Variants in EXOC4 observed in about 807,000 individuals in gnomAD.
The protein encoded by EXOC4 is SEC8-like 1.
EXOC4 carries 71 observed loss-of-function variants against 107.2 expected under a neutral mutation model. The observed-to-expected ratio is 0.66, with a 90% CI of 0.55 to 0.81. The LOEUF (loss-of-function observed/expected upper bound fraction) is 0.81, where lower values mean the gene tolerates loss of function less well. Ranked by LOEUF, EXOC4 falls within the 30% of genes least tolerant of loss-of-function variation. The pLI, the probability that EXOC4 is intolerant of heterozygous loss-of-function variation, is 0.00. For missense variants in EXOC4, 1,108 were observed against 1,189.6 expected (o/e 0.93, Z 1.01); for synonymous variants, 456 against 441.2 (o/e 1.03, Z -0.42).
chr7:133,452,940 C>T (rs1445917092), intron 7 of EXOC4, among the ~76,000 whole-genome samples: 1 of 152,124 alleles, frequency 6.6e-6, no homozygotes, highest in East Asian at 1.9e-4. Context: ...ACCAGTTGTT[C>T]ATTAATCTCC....
chr7:133,326,704 G>A (rs561592116), intron 5 of EXOC4, among the ~76,000 whole-genome samples: 12 of 152,296 alleles, frequency 7.9e-5, no homozygotes, highest in Admixed American at 2.0e-4. Flanking sequence ...CTCAAATTCC[G>A]TGCTGGGAGA....
At chr7:133,322,894 G>A (rs925382268) in intron 5 of EXOC4, among the ~76,000 whole-genome samples, 3 of 152,146 alleles carry the variant, frequency 2.0e-5, no homozygotes, top group Admixed American at 2.0e-4. Flanking sequence ...ATTTCCTTGA[G>A]CAGTGGTTTG....
chr7:133,504,401 A>G (rs1006030817), intron 9 of EXOC4, among the ~76,000 whole-genome samples: 1 of 152,130 alleles, frequency 6.6e-6, no homozygotes, highest in Non-Finnish European at 1.5e-5. Context: ...AAGATTTTTA[A>G]AAGTACAGTT....
intron 1 of EXOC4, among the ~76,000 whole-genome samples, chr7:133,271,536 T>C (rs1391504516): frequency 6.6e-6 from 1 of 152,196 alleles, no homozygotes; most frequent in Non-Finnish European, 1.5e-5. Context: ...GCAAACAGCG[T>C]TGGAAGATAG....
chr7:133,623,911 GA>G (rs1802391681), intron 9 of EXOC4, among the ~76,000 whole-genome samples: 1 of 152,110 alleles, frequency 6.6e-6, no homozygotes, highest in African/African-American at 2.4e-5. Context: ...ACTTACTAAG[GA>G]ATGTAATCTA....
intron 7 of EXOC4, among the ~76,000 whole-genome samples, chr7:133,376,505 T>C (rs956919877): frequency 1.3e-5 from 2 of 152,204 alleles, no homozygotes; most frequent in Non-Finnish European, 1.5e-5. Context: ...GCAACTTAGG[T>C]AGTCAGCACA....
At chr7:133,517,307 G>T (rs1247253305) in intron 9 of EXOC4, among the ~76,000 whole-genome samples, 1 of 152,080 alleles carries the variant, frequency 6.6e-6, no homozygotes, top group Non-Finnish European at 1.5e-5. Flanking sequence ...GGAAAAGGTA[G>T]TACCTGCTAC....
In EXOC4 at chr7:133,630,064, A is replaced by T; in HGVS notation, c.1437A>T (p.Leu479Phe). ...TGAAAGGGGGTCCTGATGACAACTT[A>T]ATTGAAGGTGGAGGAACAAAATTTG... ...GELQGGPDDN[L>F]IEGGGTKFVC... The change falls in exon 10 of 18, where the codon TTA becomes TTT. Residue 479 changes from leucine (L) to phenylalanine (F), a missense_variant. Coordinates refer to ENST00000253861, the MANE Select transcript of EXOC4 (RefSeq NM_021807.4). The T allele has an allele frequency of 6.2e-7, 1 of 1,613,662 alleles. No individual in the cohort carries two copies. Among genetic ancestry groups the T allele is most frequent in the Non-Finnish European group, 8.5e-7 (1 of 1,179,680 alleles).
chr7:133,639,458 G>C (rs760637389), intron 10 of EXOC4, among the ~76,000 whole-genome samples: 5 of 152,054 alleles, frequency 3.3e-5, no homozygotes, highest in Non-Finnish European at 7.4e-5. Flanking sequence ...TCATGGTCAT[G>C]AAATCTTTTT....
Position 133,504,366 on chromosome 7 carries a change from T to G in EXOC4, c.1417+24228T>G, listed in dbSNP as rs147175877. On this transcript the variant is annotated intron_variant, in intron 9 of 17. Transcript: ENST00000253861. ...AAAGCAAAGCTATTCTAGGTTGGTT[T>G]GTTTGTTTTTTCTCCTTTAATGTGA... 3.9e-4 allele frequency among the ~76,000 whole-genome samples: 60 copies of G among 152,208 alleles called. 1 individual carries two copies. The East Asian group carries it at 7.6e-3, about 19-fold the overall frequency.
chr7:133,329,123 A>G (rs921721807), intron 5 of EXOC4, among the ~76,000 whole-genome samples: 1 of 151,042 alleles, frequency 6.6e-6, no homozygotes, highest in Non-Finnish European at 1.5e-5. Flanking sequence ...ATTTCTTTTC[A>G]CTCTTTTCCC....
intron 14 of EXOC4, among the ~76,000 whole-genome samples, chr7:133,992,225 T>C (rs767642830): frequency 2.1e-4 from 32 of 152,296 alleles, no homozygotes; most frequent in Non-Finnish European, 4.0e-4. Flanking sequence ...TTTTTTTTCT[T>C]GATTTCTTTG....
chr7:134,012,701 A>G (rs913743197), intron 17 of EXOC4, among the ~76,000 whole-genome samples: 2 of 152,140 alleles, frequency 1.3e-5, no homozygotes, highest in African/African-American at 4.8e-5. Flanking sequence ...GTCATGAGAA[A>G]GGCTGAGAGG....
chr7:133,742,097 G>A (rs1185794380), intron 10 of EXOC4, among the ~76,000 whole-genome samples: 3 of 152,104 alleles, frequency 2.0e-5, no homozygotes, highest in Non-Finnish European at 2.9e-5. Flanking sequence ...ACTGCTCATC[G>A]CACCATCTGT....
At chr7:133,405,380 T>C (rs1377147906) in intron 7 of EXOC4, among the ~76,000 whole-genome samples, 1 of 152,190 alleles carries the variant, frequency 6.6e-6, no homozygotes, top group African/African-American at 2.4e-5. Flanking sequence ...GTAGAAATTG[T>C]AAAACGTTAA....
chr7:133,289,923 G>A (rs1246158180), intron 3 of EXOC4, among the ~76,000 whole-genome samples: 5 of 152,174 alleles, frequency 3.3e-5, no homozygotes. Flanking sequence ...CTTCCCCACA[G>A]TAGGTGAAAG....
At chr7:134,098,921 C>T in the EXOC4 span, among the ~76,000 whole-genome samples, 2 of 152,032 alleles carry the variant, frequency 1.3e-5, no homozygotes, top group Admixed American at 6.5e-5. Context: ...TTTCTTAGGC[C>T]AGAGGCATTC....
At position 133,997,636 on chromosome 7, in the gene EXOC4, A is replaced by G; in HGVS notation, c.2348+3A>G. On this transcript the variant is annotated splice_donor_region_variant and intron_variant, in intron 15 of 17. Transcript: ENST00000253861. ...CTTGTCTTACATCTGGAAGTGAGGT[A>G]TGATACAGCCAAGCCCAGGACCTTG... 4 of 1,612,704 alleles carry G rather than the reference A, an allele frequency of 2.5e-6. No homozygotes were observed. Among genetic ancestry groups the G allele is most frequent in the Non-Finnish European group, 2.5e-6 (3 of 1,179,320 alleles).
chr7:133,783,289 G>A lies in EXOC4; in HGVS notation c.1515-34036G>A, dbSNP rs1365671517. Among the ~76,000 whole-genome samples the A allele has an allele frequency of 2.6e-5, 4 of 152,100 alleles. 1 individual carries two copies. The highest frequency in any genetic ancestry group is 1.3e-4 in the Admixed American group (2 of 15,272). On this transcript the variant is annotated intron_variant, in intron 10 of 17. Transcript: ENST00000253861. Reference sequence around the variant, plus strand: ...GCATCCTTAAGTTTCATTGTTGCCCGTGTTGCCAAGGCCAGCTGTAGTTGG... The same window carrying A: ...GCATCCTTAAGTTTCATTGTTGCCCATGTTGCCAAGGCCAGCTGTAGTTGG...
Sources: allele counts gnomAD v4.1 joint callset (sites outside exome capture counted in the v4.1 genomes callset), GRCh38; gene constraint gnomAD v4.1.1; transcripts MANE v1.5; gene names NCBI Gene and HGNC (gene_info 2026-07-23, HGNC 2026-07-21).